The following PRH1 variants were observed in gnomAD, a reference collection of about 807,000 sequenced individuals.
PRH1 encodes salivary acidic proline-rich phosphoprotein 1/2.
A neutral mutation model predicts 7.9 loss-of-function variants in PRH1; 7 were observed. The observed-to-expected ratio is 0.89, with a 90% CI of 0.50 to 1.67. The LOEUF (loss-of-function observed/expected upper bound fraction) is 1.67. PRH1 is among the 40% of genes most tolerant of loss of function. The pLI is 0.00. For synonymous variants in PRH1, 45 were observed against 80.8 expected, an observed-to-expected ratio of 0.56 and a Z score of 2.38; for missense variants, 109 against 223.6, an observed-to-expected ratio of 0.49 and a Z score of 3.27.
intron 1 of PRH1, among the ~76,000 whole-genome samples, chr12:11,027,788 G>C (rs1170700468): frequency 6.6e-6 from 1 of 152,210 alleles, no homozygotes; most frequent in African/African-American, 2.4e-5. Flanking sequence ...AAGCCTGTTG[G>C]AGAGGGGAGA....
chr12:11,079,667 G>A (rs116078892), intron 1 of PRH1, among the ~76,000 whole-genome samples: 2,557 of 117,644 alleles, frequency 0.022, 464 homozygotes, highest in South Asian at 0.036. Flanking sequence ...AGGATTCAAG[G>A]GAAAAATAGA....
chr12:11,007,793 A>AC (rs35683753), intron 1 of PRH1, among the ~76,000 whole-genome samples: 1 of 151,856 alleles, frequency 6.6e-6, no homozygotes, highest in Non-Finnish European at 1.5e-5. Flanking sequence ...GAATGAGATC[A>AC]CCCCCTCCAG....
chr12:11,121,159 C>T (rs1945890852), exon 2 of PRH1: 1 of 152,572 alleles, frequency 6.6e-6, no homozygotes, highest in Non-Finnish European at 1.5e-5. Context: ...CCCTTGGCAC[C>T]TAGAGCCAAA....
chr12:11,113,026 C>A (rs1304348109), intron 1 of PRH1, among the ~76,000 whole-genome samples: 1 of 152,124 alleles, frequency 6.6e-6, no homozygotes, highest in African/African-American at 2.4e-5. Context: ...AGAGCCAAAT[C>A]ATGAGTGAAC....
chr12:11,073,975 A>T (rs113476628), intron 1 of PRH1, among the ~76,000 whole-genome samples: 60,681 of 122,682 alleles, frequency 0.49, 12,301 homozygotes, highest in Non-Finnish European at 0.58. Context: ...GCAACTACAC[A>T]AGGCATCTGC....
downstream of PRH1, among the ~76,000 whole-genome samples, chr12:11,120,473 G>A (rs1195179674): frequency 6.6e-6 from 1 of 152,088 alleles, no homozygotes; most frequent in Non-Finnish European, 1.5e-5. Context: ...TCAGTCCTCT[G>A]TTACTTCAAC....
chr12:11,169,766 T>G (rs1269783226), intron 1 of PRH1, among the ~76,000 whole-genome samples: 2 of 152,206 alleles, frequency 1.3e-5, no homozygotes, highest in Non-Finnish European at 2.9e-5. Flanking sequence ...TTTACATCGC[T>G]CTTCAGTCTC....
intron 1 of PRH1, chr12:11,077,405 T>A (rs1358003512): frequency 3.6e-6 from 2 of 549,864 alleles, no homozygotes; most frequent in Non-Finnish European, 6.1e-6. Context: ...CTTCCCATAA[T>A]CAGGAAGAAT....
chr12:10,907,399 A>G (rs1222503620), intron 2 of PRH1, among the ~76,000 whole-genome samples: 9 of 152,154 alleles, frequency 5.9e-5, no homozygotes, highest in Admixed American at 1.3e-4. Flanking sequence ...AACACTACTC[A>G]GGAACACTGC....
At chr12:11,001,275 A>G (rs571989692) in intron 1 of PRH1, among the ~76,000 whole-genome samples, 2 of 152,096 alleles carry the variant, frequency 1.3e-5, no homozygotes, top group Non-Finnish European at 2.9e-5. Context: ...AATAAATTAT[A>G]GCACCTCAAC....
chr12:11,049,119 T>C, upstream of PRH1: 1 of 467,436 alleles, frequency 2.1e-6, no homozygotes, highest in Non-Finnish European at 3.7e-6. Flanking sequence ...AGTGAGAAAT[T>C]TGGTCAGCTG....
chr12:10,986,775 A>C, intron 1 of PRH1: 2 of 1,594,034 alleles, frequency 1.3e-6, no homozygotes, highest in South Asian at 1.2e-5. Flanking sequence ...GAAATTTACC[A>C]GTGCTATGAA....
chr12:10,986,470 C>T, intron 1 of PRH1: 1 of 1,614,050 alleles, frequency 6.2e-7, no homozygotes. Context: ...AACAGTATCA[C>T]CAGAATGACA....
Position 10,986,231 on chromosome 12 carries a change from C to A in PRH1, c.-125-12510G>T, listed in dbSNP as rs139395167. 189 of 1,614,064 alleles carry A rather than the reference C, an allele frequency of 1.2e-4. 2 individuals are homozygous for A. The Middle Eastern group carries it at 1.3e-3, about 11-fold the overall frequency. On this transcript the variant is annotated intron_variant, in intron 1 of 3. Coordinates refer to the PRH1 transcript ENST00000539853. Reference sequence around the variant, plus strand: ...GATCTTGCGATCCTTCTCCATGGAGCTGCATCTTCTTGAGATGTTTACACA... The same window carrying A: ...GATCTTGCGATCCTTCTCCATGGAGATGCATCTTCTTGAGATGTTTACACA...
upstream of PRH1, among the ~76,000 whole-genome samples, chr12:10,884,829 GT>G: frequency 6.6e-6 from 1 of 152,162 alleles, no homozygotes; most frequent in Admixed American, 6.5e-5. Context: ...TGAGAGAAAG[GT>G]GCTGGCAGCC....
chr12:10,947,382 C>T (rs755267361), intron 2 of PRH1, among the ~76,000 whole-genome samples: 1 of 151,938 alleles, frequency 6.6e-6, no homozygotes, highest in Non-Finnish European at 1.5e-5. Context: ...TATGTTATAT[C>T]CTTGCTTGTC....
At chr12:11,000,904 G>T (rs188861834) in intron 1 of PRH1, among the ~76,000 whole-genome samples, 1 of 151,900 alleles carries the variant, frequency 6.6e-6, no homozygotes, top group Admixed American at 6.6e-5. Flanking sequence ...ATTATATTTT[G>T]TTCTCCTTCT....
intron 1 of PRH1, among the ~76,000 whole-genome samples, chr12:11,091,115 C>CACACATATATATATAT (rs751016037): frequency 0.011 from 286 of 25,112 alleles, 42 homozygotes; most frequent in East Asian, 0.047. Flanking sequence ...CACACACACA[C>CACACATATATATATAT]ATATATATAT....
chr12:11,063,074 T>C (rs1175303617), intron 1 of PRH1, among the ~76,000 whole-genome samples: 1 of 152,112 alleles, frequency 6.6e-6, no homozygotes, highest in East Asian at 1.9e-4. Flanking sequence ...GGCTTTCAGC[T>C]CATGAATAAT....
Sources: gnomAD v4.1 joint callset for allele counts (sites outside exome capture counted in the v4.1 genomes callset) on GRCh38, gnomAD v4.1.1 for gene constraint, MANE v1.5 for transcripts, NCBI Gene and HGNC (gene_info 2026-07-23, HGNC 2026-07-21) for gene names.